The following NLGN1 variants were observed in gnomAD, a reference collection of about 807,000 sequenced individuals.
NLGN1 encodes the protein neuroligin 1.
Under a neutral mutation model 65.5 loss-of-function variants are expected in NLGN1, and 12 were observed. That is an observed-to-expected ratio of 0.18 (90% CI 0.12 to 0.30). The LOEUF (loss-of-function observed/expected upper bound fraction) is 0.30, where lower values mean the gene tolerates loss of function less well. NLGN1 is among the 10% of genes least tolerant of loss of function. The pLI is 1.00. For synonymous variants in NLGN1, 350 were observed against 359.5 expected (o/e 0.97, Z 0.30); for missense variants, 750 against 1,007.1 (o/e 0.74, Z 3.46).
At chr3:173,634,868 A>G (rs1017361240) in intron 3 of NLGN1, among the ~76,000 whole-genome samples, 1 of 152,110 alleles carries the variant, frequency 6.6e-6, no homozygotes, top group Non-Finnish European at 1.5e-5. Flanking sequence ...AGATGCAGAA[A>G]GCGCTGTCAG....
chr3:173,398,914 G>A (rs1347773917), intron 1 of NLGN1, among the ~76,000 whole-genome samples: 2 of 152,058 alleles, frequency 1.3e-5, no homozygotes, highest in African/African-American at 4.8e-5. Context: ...ATTATTAATA[G>A]GATCATAGAT....
intron 2 of NLGN1, among the ~76,000 whole-genome samples, chr3:173,598,720 T>C (rs1749935738): frequency 6.6e-6 from 1 of 152,198 alleles, no homozygotes; most frequent in Non-Finnish European, 1.5e-5. Flanking sequence ...TTTACTTTTC[T>C]TTCTGTCATA....
At chr3:173,911,290 A>C (rs947431712) in intron 4 of NLGN1, among the ~76,000 whole-genome samples, 1 of 152,214 alleles carries the variant, frequency 6.6e-6, no homozygotes, top group African/African-American at 2.4e-5. Flanking sequence ...ATTAAGTGAC[A>C]GTAATATGTA....
At chr3:173,399,192 T>C (rs1338642802) in intron 1 of NLGN1, among the ~76,000 whole-genome samples, 1 of 152,232 alleles carries the variant, frequency 6.6e-6, no homozygotes, top group Non-Finnish European at 1.5e-5. Context: ...AAGTTAATCA[T>C]TACTCAGGCC....
At chr3:174,282,020 T>A (rs548254106) in exon 7 of NLGN1, 1 of 152,360 alleles carries the variant, frequency 6.6e-6, no homozygotes, top group Non-Finnish European at 1.5e-5. Flanking sequence ...CCTCCATCAA[T>A]TGGCAGAACC....
chr3:173,462,874 C>T (rs1029340164), intron 2 of NLGN1, among the ~76,000 whole-genome samples: 1 of 152,184 alleles, frequency 6.6e-6, no homozygotes, highest in Non-Finnish European at 1.5e-5. Context: ...TTATATTCTG[C>T]TGAGACTTTA....
chr3:173,690,925 C>T (rs934815321), intron 3 of NLGN1, among the ~76,000 whole-genome samples: 15 of 152,000 alleles, frequency 9.9e-5, no homozygotes, highest in African/African-American at 2.9e-4. Flanking sequence ...TGGTGCCTTA[C>T]GGAAAGTGCC....
At chr3:173,666,356 A>G (rs372053317) in intron 3 of NLGN1, among the ~76,000 whole-genome samples, 48 of 152,282 alleles carry the variant, frequency 3.2e-4, no homozygotes, top group Middle Eastern at 6.8e-3. Flanking sequence ...GGACCAAACC[A>G]TTAGCTCAGA....
chr3:174,106,325 C>A (rs540913542), intron 4 of NLGN1, among the ~76,000 whole-genome samples: 1 of 152,108 alleles, frequency 6.6e-6, no homozygotes, highest in South Asian at 2.1e-4. Context: ...TTATACTTTT[C>A]TATTATGAAC....
At chr3:173,482,740 G>A (rs1727508240) in intron 2 of NLGN1, among the ~76,000 whole-genome samples, 1 of 151,868 alleles carries the variant, frequency 6.6e-6, no homozygotes, top group South Asian at 2.1e-4. Context: ...TGAAGGAAAA[G>A]CAGTCTAATG....
intron 3 of NLGN1, among the ~76,000 whole-genome samples, chr3:173,741,651 C>A (rs991787279): frequency 6.6e-6 from 1 of 152,054 alleles, no homozygotes; most frequent in Admixed American, 6.6e-5. Flanking sequence ...CACCATCACA[C>A]CCACCTAATT....
chr3:173,889,639 G>A (rs1401157057), intron 4 of NLGN1, among the ~76,000 whole-genome samples: 1 of 152,120 alleles, frequency 6.6e-6, no homozygotes, highest in Non-Finnish European at 1.5e-5. Flanking sequence ...TGGAGGTTGA[G>A]ACTGAAAGAC....
At chr3:173,542,971 C>A (rs1401287837) in intron 2 of NLGN1, among the ~76,000 whole-genome samples, 2 of 152,042 alleles carry the variant, frequency 1.3e-5, no homozygotes, top group Admixed American at 6.6e-5. Flanking sequence ...GTCCAGGTTC[C>A]ATGTCTTCAA....
At chr3:173,565,074 G>C (rs1485187671) in intron 2 of NLGN1, among the ~76,000 whole-genome samples, 1 of 152,184 alleles carries the variant, frequency 6.6e-6, no homozygotes, top group Non-Finnish European at 1.5e-5. Flanking sequence ...ATAAGGATGA[G>C]AGACACAAGG....
chr3:173,563,309 G>C (rs755199265), intron 2 of NLGN1, among the ~76,000 whole-genome samples: 2 of 152,174 alleles, frequency 1.3e-5, no homozygotes, highest in Non-Finnish European at 2.9e-5. Context: ...GCATGCACTT[G>C]CTAGTTAATA....
intron 3 of NLGN1, among the ~76,000 whole-genome samples, chr3:173,706,462 G>C (rs181814797): frequency 6.6e-6 from 1 of 152,246 alleles, no homozygotes; most frequent in Non-Finnish European, 1.5e-5. Flanking sequence ...TGGGTTCCTA[G>C]AACTAGATTT....
chr3:173,912,477 C>G lies in NLGN1; in HGVS notation c.646+104645C>G, dbSNP rs530163165. 3.3e-5 allele frequency: 5 copies of G among 152,198 alleles called. No individual in the cohort carries two copies. The South Asian group carries it at 1.0e-3, about 32-fold the overall frequency. 9.4% of individuals were successfully genotyped at this position (152,198 alleles called of 1,614,324 possible). Reference sequence around the variant, plus strand: ...GTAAAACAGACTTCAGAGTATCCACCCTGAACAGTGTTCAGGGGCCTTATA... The same window carrying G: ...GTAAAACAGACTTCAGAGTATCCACGCTGAACAGTGTTCAGGGGCCTTATA... On this transcript the variant is annotated intron_variant, in intron 4 of 6. Coordinates refer to ENST00000457714, the Ensembl canonical transcript of NLGN1.
At chr3:173,514,883 A>G (rs549076979) in intron 2 of NLGN1, among the ~76,000 whole-genome samples, 87 of 152,346 alleles carry the variant, frequency 5.7e-4, no homozygotes, top group Non-Finnish European at 8.1e-4. Context: ...TGCATATACC[A>G]AAGTAAATTT....
rs1440876299 is a variant in NLGN1, at chr3:173,730,320, G to GCCC, written c.494-77359_494-77358insCCC. 8.9e-3 allele frequency among the ~76,000 whole-genome samples: 244 copies of GCCC among 27,364 alleles called. 1 individual carries two copies. The highest frequency in any genetic ancestry group is 0.018 in the Admixed American group (36 of 2,032). The allele number at this position is 27,364 out of a possible 152,430, so 18.0% of individuals were successfully genotyped here. Reference sequence around the variant, plus strand: ...AGGTCTAACACACTACTGCCCCACCGCTCCCCCCCCCCCGCAAAAATAGAA... The same window carrying GCCC: ...AGGTCTAACACACTACTGCCCCACCGCCCCTCCCCCCCCCCCGCAAAAATAGAA... On this transcript the variant is annotated intron_variant, in intron 3 of 6. Transcript: ENST00000457714.
Sources: gnomAD v4.1 joint callset for allele counts (sites outside exome capture counted in the v4.1 genomes callset) on GRCh38, gnomAD v4.1.1 for gene constraint, MANE v1.5 for transcripts, NCBI Gene and HGNC (gene_info 2026-07-23, HGNC 2026-07-21) for gene names.